PATJ: variants seen among roughly 807,000 people sequenced by gnomAD.
PATJ encodes PATJ crumbs cell polarity complex component.
PATJ carries 190 observed loss-of-function variants against 224.9 expected under a neutral mutation model. The observed-to-expected ratio is 0.84, with a 90% CI of 0.75 to 0.95. PATJ has a LOEUF of 0.95. Among genes scored for constraint, PATJ ranks in the 40% least tolerant of loss-of-function variants. PATJ has a pLI of 0.00. For synonymous variants in PATJ, 769 were observed against 820.3 expected, an observed-to-expected ratio of 0.94 and a Z score of 1.07; for missense variants, 2,121 against 2,270.3, an observed-to-expected ratio of 0.93 and a Z score of 1.34.
At chr1:61,952,313 G>A in intron 27 of PATJ, 1 of 672,722 alleles carries the variant, frequency 1.5e-6, no homozygotes, top group South Asian at 1.6e-5. Context: ...AGAGAGAGGA[G>A]TCTGTGGTGA....
chr1:62,061,448 C>G (rs999624350), intron 31 of PATJ, among the ~76,000 whole-genome samples: 1 of 152,120 alleles, frequency 6.6e-6, no homozygotes, highest in Non-Finnish European at 1.5e-5. Context: ...TCCCAAAGTG[C>G]TGGGATTACA....
intron 31 of PATJ, among the ~76,000 whole-genome samples, chr1:62,052,593 T>C (rs1653830526): frequency 6.6e-6 from 1 of 151,844 alleles, no homozygotes; most frequent in East Asian, 1.9e-4. Context: ...AATACAAAAA[T>C]TAGCTGGGCG....
At chr1:61,804,317 A>G (rs1356502823) in intron 12 of PATJ, among the ~76,000 whole-genome samples, 1 of 152,156 alleles carries the variant, frequency 6.6e-6, no homozygotes, top group Non-Finnish European at 1.5e-5. Context: ...AGCAATTGAT[A>G]TAGTTATTTC....
chr1:61,926,496 G>A (rs1244025809), intron 26 of PATJ, among the ~76,000 whole-genome samples: 3 of 151,990 alleles, frequency 2.0e-5, no homozygotes, highest in Non-Finnish European at 4.4e-5. Context: ...CTGGTTCTGA[G>A]GAAAAGGTTT....
At chr1:61,850,184 G>A (rs560110950) in intron 17 of PATJ, among the ~76,000 whole-genome samples, 8 of 152,224 alleles carry the variant, frequency 5.3e-5, no homozygotes, top group East Asian at 1.9e-4. Flanking sequence ...GCCTGTTTCC[G>A]CTGAACCACC....
At chr1:61,836,237 A>G (rs1267329861) in intron 17 of PATJ, among the ~76,000 whole-genome samples, 1 of 152,068 alleles carries the variant, frequency 6.6e-6, no homozygotes. Flanking sequence ...TGTAACTTCT[A>G]TTGTTTCTTG....
intron 33 of PATJ, among the ~76,000 whole-genome samples, chr1:62,097,718 A>C (rs190214972): frequency 2.0e-5 from 3 of 152,328 alleles, no homozygotes; most frequent in Admixed American, 2.0e-4. Flanking sequence ...AATTGTAAAC[A>C]AATAAATAGT....
intron 27 of PATJ, among the ~76,000 whole-genome samples, chr1:61,955,745 A>C (rs770281610): frequency 1.4e-4 from 21 of 152,230 alleles, no homozygotes; most frequent in Admixed American, 5.9e-4. Flanking sequence ...GAGTTTTTTG[A>C]AGTCTTATTA....
At chr1:62,117,262 CA>C (rs749234321) in intron 37 of PATJ, 44 bp downstream of exon 37, 2 of 1,611,564 alleles carry the variant, frequency 1.2e-6, no homozygotes, top group South Asian at 2.2e-5. Flanking sequence ...CTTCTGCCCC[CA>C]CTGGGAGAAA....
chr1:62,015,060 G>A (rs564258599), intron 28 of PATJ, among the ~76,000 whole-genome samples: 1 of 152,276 alleles, frequency 6.6e-6, no homozygotes, highest in South Asian at 2.1e-4. Flanking sequence ...AGCACTTTGG[G>A]AGTCCGAGGA....
At chr1:62,081,922 C>T (rs1416711932) in intron 32 of PATJ, among the ~76,000 whole-genome samples, 1 of 152,164 alleles carries the variant, frequency 6.6e-6, no homozygotes, top group Non-Finnish European at 1.5e-5. Context: ...TATCGTACGT[C>T]ATTTTTATTG....
rs529900125 is a variant in PATJ, at chr1:62,081,847, G to A, written c.4243+2280G>A. On this transcript the variant is annotated intron_variant, in intron 32 of 43. Transcript: ENST00000642238. ...CTCCCAAAGTGCTGAGGTTACAGGC[G>A]TGAGCCACCGCACCCGACCTAAAAG... Among the ~76,000 whole-genome samples, 12 of 152,312 alleles carry A rather than the reference G, an allele frequency of 7.9e-5. 1 individual carries two copies. The highest frequency in any genetic ancestry group is 1.4e-4 in the African/African-American group (6 of 41,570).
chr1:62,016,189 C>T (rs1212821609), intron 28 of PATJ, among the ~76,000 whole-genome samples: 1 of 152,130 alleles, frequency 6.6e-6, no homozygotes, highest in Non-Finnish European at 1.5e-5. Context: ...GGATATGAAT[C>T]CCAGCTTTAC....
intron 22 of PATJ, among the ~76,000 whole-genome samples, chr1:61,891,768 C>T (rs983293477): frequency 1.3e-4 from 20 of 152,116 alleles, no homozygotes; most frequent in African/African-American, 4.6e-4. Flanking sequence ...CACCATTTTA[C>T]ATATTAATAA....
chr1:61,771,573 C>G lies in PATJ; in HGVS notation c.667C>G (p.His223Asp), dbSNP rs781124689. 1.2e-6 allele frequency: 2 copies of G among 1,610,886 alleles called. No homozygotes were observed. Among genetic ancestry groups the G allele is most frequent in the South Asian group, 2.2e-5 (2 of 90,144 alleles). The part of the protein sequence containing the change: ...LRLIVAREPV[H>D]TKSSTSSSLN... ...ACTGATTGTGGCCAGGGAACCAGTC[C>G]ACACAAAAAGCAGTACTTCTAGCAG... The change falls in exon 6 of 44, where the codon CAC becomes GAC. Residue 223 changes from histidine to aspartate, a missense_variant. Transcript: ENST00000642238.
At chr1:62,135,515 CAAAAAAAAAAAAAA>C (rs4019805) in intron 41 of PATJ, among the ~76,000 whole-genome samples, 1 of 83,784 alleles carries the variant, frequency 1.2e-5, no homozygotes, top group African/African-American at 4.6e-5. Flanking sequence ...GACTCCGTCT[CAAAAAAAAAAAAAA>C]AAAAAAAAAG....
At chr1:62,107,223 G>A (rs1412471070) in intron 33 of PATJ, among the ~76,000 whole-genome samples, 4 of 151,812 alleles carry the variant, frequency 2.6e-5, no homozygotes, top group South Asian at 4.2e-4. Context: ...GGAGAATGGC[G>A]TGAACCCAGG....
At chr1:61,948,548 A>C (rs1163890199) in intron 27 of PATJ, among the ~76,000 whole-genome samples, 4 of 152,366 alleles carry the variant, frequency 2.6e-5, no homozygotes, top group South Asian at 2.1e-4. Flanking sequence ...GGCAATCATT[A>C]AAAAGTCAGG....
chr1:62,065,386 G>A (rs1029922097), intron 31 of PATJ, among the ~76,000 whole-genome samples: 10 of 152,124 alleles, frequency 6.6e-5, no homozygotes, highest in Non-Finnish European at 5.9e-5. Context: ...CGAGACAGGC[G>A]GATCACCTGA....
Sources: allele counts gnomAD v4.1 joint callset (sites outside exome capture counted in the v4.1 genomes callset), GRCh38; gene constraint gnomAD v4.1.1; transcripts MANE v1.5; gene names NCBI Gene and HGNC (gene_info 2026-07-23, HGNC 2026-07-21).